Variants in CEACAM1 observed in about 807,000 individuals in gnomAD.
The protein encoded by CEACAM1 is cell adhesion molecule CEACAM1.
CEACAM1 carries 31 observed loss-of-function variants against 49.1 expected under a neutral mutation model. The observed-to-expected ratio is 0.63, with a 90% CI of 0.47 to 0.85. The LOEUF (loss-of-function observed/expected upper bound fraction) is 0.85, where lower values mean the gene tolerates loss of function less well. Ranked by LOEUF, CEACAM1 falls within the 40% of genes least tolerant of loss-of-function variation. The probability of loss-of-function intolerance (pLI) is 0.00; values close to 1 mark genes in which losing one functional copy is unlikely to be tolerated. For synonymous variants in CEACAM1, 244 were observed against 247.8 expected (o/e 0.98, Z 0.14); for missense variants, 570 against 645.3 (o/e 0.88, Z 1.26).
At chr19:42,513,893 C>CATATATATATAT (rs144403954) in intron 5 of CEACAM1, among the ~76,000 whole-genome samples, 13 of 104,952 alleles carry the variant, frequency 1.2e-4, no homozygotes, top group South Asian at 3.4e-4. Context: ...CTTCTCCCTC[C>CATATATATATAT]ATATATATAT....
chr19:42,527,243 A>G lies in CEACAM1; in HGVS notation c.222T>C (p.Asp74=), dbSNP rs1196517151. The G allele has an allele frequency of 3.1e-6, 5 of 1,613,932 alleles. No homozygotes were observed. The Admixed American group carries it at 6.7e-5, about 22-fold the overall frequency. The change falls in exon 2 of 9, where the codon GAT becomes GAC. Residue 74 remains aspartate (D), a synonymous_variant. Transcript: ENST00000161559. The part of the protein sequence containing the change: ...GYSWYKGERV[D]GNRQIVGYAI... ...CATATCCTACAATTTGACGGTTGCC[A>G]TCCACTCTTTCCCCTTTGTACCAGC...
chr19:42,527,077 C>A lies in CEACAM1; in HGVS notation c.388G>T (p.Val130Leu). The A allele has an allele frequency of 1.2e-6, 2 of 1,611,506 alleles. No homozygotes were observed. Among genetic ancestry groups the A allele is most frequent in the Non-Finnish European group, 1.7e-6 (2 of 1,178,588 alleles). ...YTLQVIKSDL[V>L]NEEATGQFHV... ...AACTGTCCAGTTGCTTCTTCATTCA[C>A]AAGATCTGACTTTATGACTTGTAGG... The change falls in exon 2 of 9, where the codon GTG becomes TTG. Residue 130 changes from valine to leucine, a missense_variant. By Grantham distance (32) the Val-to-Leu change is conservative. Coordinates refer to ENST00000161559, the MANE Select transcript of CEACAM1 (RefSeq NM_001712.5).
At position 42,522,182 on chromosome 19, in the gene CEACAM1, T is replaced by A; in HGVS notation, c.445A>T (p.Ile149Phe). The change falls in exon 3 of 9, where the codon ATC (isoleucine) becomes TTC (phenylalanine). Residue 149 changes from isoleucine (I) to phenylalanine (F), a missense_variant. Transcript: ENST00000161559. ...ACAGGGTTGGAGTTGTTGCTGGAGA[T>A]GGAGGGCTTGGGCAGCTCCGCTATG... ...HVYPELPKPSISSNNSNPVED... is the reference protein window; with the variant it reads ...HVYPELPKPSFSSNNSNPVED... 6.2e-7 allele frequency: 1 copy of A among 1,614,240 alleles called. No individual in the cohort carries two copies. The highest frequency in any genetic ancestry group is 8.5e-7 in the Non-Finnish European group (1 of 1,180,036).
In CEACAM1 at chr19:42,522,689, G is replaced by A. The variant is rs376534488; in HGVS notation, c.425-487C>T. On this transcript the variant is annotated intron_variant, in intron 2 of 8. Transcript: ENST00000161559. The stretch of plus-strand genomic sequence containing the variant: ...CGATTCTCCTGCCTCAGCCTCCTGA[G>A]TAGCTGGGACTACAGGTGCATGCCA... Among the ~76,000 whole-genome samples, 28 of 152,188 alleles carry A rather than the reference G, an allele frequency of 1.8e-4. No individual in the cohort carries two copies. The East Asian group carries it at 4.4e-3, about 24-fold the overall frequency.
intron 2 of CEACAM1, among the ~76,000 whole-genome samples, chr19:42,525,213 T>C (rs1167447357): frequency 6.8e-6 from 1 of 147,802 alleles, no homozygotes; most frequent in Non-Finnish European, 1.5e-5. Context: ...TCTGAGGGGA[T>C]AGGCCTGAAC....
rs552932379 is a variant in CEACAM1 at position 42,522,664 on chromosome 19, C to T, written c.425-462G>A. On this transcript the variant is annotated intron_variant, in intron 2 of 8. Coordinates refer to ENST00000161559, the MANE Select transcript of CEACAM1 (RefSeq NM_001712.5). ...GCAACCTCTTCCTCCCGGGTTCAAG[C>T]GATTCTCCTGCCTCAGCCTCCTGAG... Among the ~76,000 whole-genome samples the T allele has an allele frequency of 1.8e-4, 28 of 152,058 alleles. No individual in the cohort carries two copies. In the South Asian group the frequency reaches 5.8e-3, roughly 32 times the overall value.
chr19:42,513,651 C>G (rs2041517787), intron 5 of CEACAM1, among the ~76,000 whole-genome samples: 1 of 150,876 alleles, frequency 6.6e-6, no homozygotes, highest in African/African-American at 2.4e-5. Context: ...TCCTCTCTTT[C>G]TCTTCCACAG....
At position 42,521,320 on chromosome 19, in the gene CEACAM1, T is replaced by C. The variant is rs1391154134; in HGVS notation, c.905A>G (p.Asn302Ser). The C allele has an allele frequency of 6.2e-7, 1 of 1,614,198 alleles. No homozygotes were observed. Among genetic ancestry groups the C allele is most frequent in the Admixed American group, 1.7e-5 (1 of 60,018 alleles). ...CCTGTTGCAGCCAGTGACTGAGTTA[T>C]TGGCGTGGCAGGTATAGGATCCACT... is the stretch of plus-strand genomic sequence containing the variant. ...NNSGSYTCHA[N>S]NSVTGCNRTT... The change falls in exon 4 of 9, where the codon AAT becomes AGT. Residue 302 changes from asparagine (N) to serine (S), a missense_variant. Physicochemically the swap from Asn to Ser is conservative, Grantham distance 46. Transcript: ENST00000161559.
intron 5 of CEACAM1, 61 bp downstream of exon 5, chr19:42,518,887 T>C: frequency 6.4e-7 from 1 of 1,563,110 alleles, no homozygotes; most frequent in Non-Finnish European, 8.8e-7. Flanking sequence ...TTATCCATTT[T>C]GCACACCATT....
intron 8 of CEACAM1, 97 bp downstream of exon 8, chr19:42,510,792 C>T: frequency 1.7e-6 from 2 of 1,174,748 alleles, no homozygotes; most frequent in Non-Finnish European, 2.6e-6. Flanking sequence ...GGAACATTAA[C>T]CCAAACTTGA....
chr19:42,524,220 G>C (rs553642606), intron 2 of CEACAM1, among the ~76,000 whole-genome samples: 2 of 152,196 alleles, frequency 1.3e-5, no homozygotes, highest in African/African-American at 4.8e-5. Flanking sequence ...TATGACAATG[G>C]TGTCATCATG....
Position 42,519,087 on chromosome 19 carries a change from C to T in CEACAM1, c.1107G>A (p.Ser369=), listed in dbSNP as rs755301512. ...TGCCCTGGGACAGCTTCATCCTCTC[C>T]GAGGACGGGAGACTCTGGTTTTTGA... ...WFFKNQSLPS[S]ERMKLSQGNT... is the part of the protein sequence containing the mutation. The change falls in exon 5 of 9, where the codon TCG becomes TCA. Residue 369 remains serine (S), a synonymous_variant. Transcript: ENST00000161559. 5.3e-5 allele frequency: 86 copies of T among 1,614,016 alleles called. No individual in the cohort carries two copies. The highest frequency in any genetic ancestry group is 6.8e-5 in the Non-Finnish European group (80 of 1,180,040).
chr19:42,509,161 G>A lies in CEACAM1; in HGVS notation c.1529C>T (p.Ser510Phe). Residue 510 changes from serine to phenylalanine, a missense_variant, in exon 9 of 9, where the codon TCC becomes TTC. Transcript: ENST00000161559. ...TATTTCTGTGGCTGTTAGGGATGGG[G>A]AGGCTGAAGTTGGTTGTGTGGGTTG... ...AQQPTQPTSA[S>F]PSLTATEIIY... The A allele has an allele frequency of 6.2e-7, 1 of 1,614,188 alleles. No homozygotes were observed. The highest frequency in any genetic ancestry group is 1.1e-5 in the South Asian group (1 of 91,084).
At chr19:42,511,094 G>GGGGCAGAACCACAGGA (rs2041445522) in intron 7 of CEACAM1, 174 bp from the exon 8 acceptor site, 2 of 639,598 alleles carry the variant, frequency 3.1e-6, no homozygotes, top group East Asian at 5.4e-5. Context: ...AGAGGGGGCA[G>GGGGCAGAACCACAGGA]GGGCAGAACC....
chr19:42,524,762 G>A (rs1452985912), intron 2 of CEACAM1, among the ~76,000 whole-genome samples: 1 of 152,184 alleles, frequency 6.6e-6, no homozygotes, highest in Admixed American at 6.5e-5. Context: ...CCATGACAGT[G>A]AGCAGTGGGG....
At chr19:42,515,685 A>C (rs1245702204) in intron 5 of CEACAM1, among the ~76,000 whole-genome samples, 1 of 152,198 alleles carries the variant, frequency 6.6e-6, no homozygotes, top group Non-Finnish European at 1.5e-5. Flanking sequence ...GTTGTTCTTC[A>C]AAAAAGATCA....
intron 5 of CEACAM1, among the ~76,000 whole-genome samples, chr19:42,517,393 A>G (rs898525532): frequency 6.6e-6 from 1 of 152,244 alleles, no homozygotes; most frequent in African/African-American, 2.4e-5. Context: ...AAGACTTCTT[A>G]TAGAATGGGA....
intron 5 of CEACAM1, chr19:42,515,061 G>C (rs1362699371): frequency 1.5e-6 from 1 of 673,594 alleles, no homozygotes; most frequent in Non-Finnish European, 2.7e-6. Flanking sequence ...TTGAGCCCAG[G>C]AGTTCGAGTC....
intron 5 of CEACAM1, among the ~76,000 whole-genome samples, chr19:42,512,798 C>A (rs2147773228): frequency 6.6e-6 from 1 of 152,070 alleles, no homozygotes; most frequent in Admixed American, 6.6e-5. Context: ...CTGCCTCAGG[C>A]TGGACTACAG....
Sources: allele counts gnomAD v4.1 joint callset (sites outside exome capture counted in the v4.1 genomes callset), GRCh38; gene constraint gnomAD v4.1.1; transcripts MANE v1.5; gene names NCBI Gene and HGNC (gene_info 2026-07-23, HGNC 2026-07-21).